The following ARMC9 variants were observed in gnomAD, a reference collection of about 807,000 sequenced individuals.
ARMC9 encodes armadillo repeat containing 9, also known as lisH domain-containing protein ARMC9.
A neutral mutation model predicts 107.0 loss-of-function variants in ARMC9; 94 were observed. That is an observed-to-expected ratio of 0.88 (90% CI 0.74 to 1.04). The LOEUF (loss-of-function observed/expected upper bound fraction) is 1.04. Among genes scored for constraint, ARMC9 ranks in the 50% least tolerant of loss-of-function variants. The pLI is 0.00. For synonymous variants in ARMC9, 380 were observed against 396.9 expected, an observed-to-expected ratio of 0.96 and a Z score of 0.51; for missense variants, 942 against 1,030.1, an observed-to-expected ratio of 0.91 and a Z score of 1.17.
At chr2:231,313,685 C>G (rs749562923) in intron 19 of ARMC9, among the ~76,000 whole-genome samples, 1 of 152,134 alleles carries the variant, frequency 6.6e-6, no homozygotes, top group Non-Finnish European at 1.5e-5. Flanking sequence ...CATCAATCTG[C>G]TTCTGTCTCT....
At chr2:231,275,957 A>C (rs75154814) in intron 14 of ARMC9, among the ~76,000 whole-genome samples, 1 of 151,206 alleles carries the variant, frequency 6.6e-6, no homozygotes. Context: ...CCGTCTCAGG[A>C]AAAAAAAACA....
At chr2:231,349,996 A>G (rs921039713) in intron 21 of ARMC9, among the ~76,000 whole-genome samples, 2 of 151,424 alleles carry the variant, frequency 1.3e-5, no homozygotes, top group Non-Finnish European at 2.9e-5. Context: ...TATACTATAC[A>G]TATATACACC....
At chr2:231,202,296 A>G (rs1574820738) in intron 1 of ARMC9, among the ~76,000 whole-genome samples, 1 of 147,918 alleles carries the variant, frequency 6.8e-6, no homozygotes, top group Non-Finnish European at 1.5e-5. Flanking sequence ...CACCGTGCCC[A>G]GCTGATCTTG....
intron 21 of ARMC9, among the ~76,000 whole-genome samples, chr2:231,349,443 G>A (rs912336003): frequency 1.3e-5 from 2 of 151,986 alleles, no homozygotes; most frequent in African/African-American, 4.8e-5. Flanking sequence ...TTGGTTGGGG[G>A]TGGTGGCTAG....
chr2:231,326,102 C>T (rs1037346580), intron 19 of ARMC9, among the ~76,000 whole-genome samples: 1 of 152,194 alleles, frequency 6.6e-6, no homozygotes, highest in Admixed American at 6.5e-5. Flanking sequence ...GCAGCAGGGA[C>T]CCAAGCTGTC....
intron 3 of ARMC9, among the ~76,000 whole-genome samples, chr2:231,210,586 G>A (rs1226772160): frequency 6.6e-6 from 1 of 152,228 alleles, no homozygotes; most frequent in South Asian, 2.1e-4. Flanking sequence ...CACATGACCA[G>A]ATGATGTGAT....
At chr2:231,367,125 C>G (rs1204393933) in intron 23 of ARMC9, among the ~76,000 whole-genome samples, 1 of 152,056 alleles carries the variant, frequency 6.6e-6, no homozygotes, top group Non-Finnish European at 1.5e-5. Context: ...GCTGGGATTA[C>G]AGGCGTGAGC....
Position 231,374,883 on chromosome 2 carries a change from A to C in ARMC9, c.*3348A>C, listed in dbSNP as rs548762686. 6.6e-6 allele frequency: 1 copy of C among 152,124 alleles called. No homozygotes were observed. Among genetic ancestry groups the C allele is most frequent in the Non-Finnish European group, 1.5e-5 (1 of 68,032 alleles). 9.4% of individuals were successfully genotyped at this position (152,124 alleles called of 1,614,324 possible). ...CCTTTAAATTTTGTATGCAAGGTGA[A>C]TACCTCACCCCTCTCTCCTGGCCTA... On this transcript the variant is annotated 3_prime_UTR_variant, in exon 25 of 25. Transcript: ENST00000611582.
Position 231,256,835 on chromosome 2 carries a change from G to A in ARMC9, c.914+215G>A, listed in dbSNP as rs572660513. The stretch of plus-strand genomic sequence containing the variant: ...GCCTGTGTGGTTTTTTTGTTTGTTT[G>A]TTTTTTTGAGACAGAGTTTCGCTCT... On this transcript the variant is annotated intron_variant, in intron 10 of 24. Transcript: ENST00000611582. 3.3e-5 allele frequency among the ~76,000 whole-genome samples: 5 copies of A among 152,218 alleles called. No individual in the cohort carries two copies. In the East Asian group the frequency reaches 9.6e-4, roughly 29 times the overall value.
intron 3 of ARMC9, among the ~76,000 whole-genome samples, chr2:231,210,178 A>G (rs2032624367): frequency 6.6e-6 from 1 of 152,190 alleles, no homozygotes; most frequent in African/African-American, 2.4e-5. Flanking sequence ...CGTGGAGCTC[A>G]AGGCAGGGCT....
In ARMC9 at chr2:231,331,777, A is replaced by C; in HGVS notation, c.1774-16A>C. ...TCAGGGTGTCCATGGCATTCACCCC[A>C]TGTCTCCTGAAACAGGAGGACCATG... On this transcript the variant is annotated splice_polypyrimidine_tract_variant and intron_variant, in intron 19 of 24. Transcript: ENST00000611582. 6.2e-7 allele frequency: 1 copy of C among 1,609,748 alleles called. No homozygotes were observed. Among genetic ancestry groups the C allele is most frequent in the Non-Finnish European group, 8.5e-7 (1 of 1,176,324 alleles).
At chr2:231,264,959 G>A (rs998897399) in intron 12 of ARMC9, among the ~76,000 whole-genome samples, 3 of 152,248 alleles carry the variant, frequency 2.0e-5, no homozygotes, top group African/African-American at 7.2e-5. Context: ...TTAGCCAGAC[G>A]TGGTGGCACG....
At chr2:231,329,907 T>A (rs1169156511) in intron 19 of ARMC9, among the ~76,000 whole-genome samples, 3 of 152,214 alleles carry the variant, frequency 2.0e-5, no homozygotes, top group Admixed American at 6.5e-5. Flanking sequence ...TAGTTTTTCT[T>A]CCTTTTCTCA....
Position 231,276,621 on chromosome 2 carries a change from G to T in ARMC9, c.1335-15G>T, listed in dbSNP as rs1469809289. 1 of 1,613,978 alleles carries T rather than the reference G, an allele frequency of 6.2e-7. No individual in the cohort carries two copies. The highest frequency in any genetic ancestry group is 1.1e-5 in the South Asian group (1 of 91,074). On this transcript the variant is annotated splice_polypyrimidine_tract_variant and intron_variant, in intron 14 of 24. Transcript: ENST00000611582. ...TCTTGGCAGTTTGTATTTACCGTAG[G>T]CTCTTTCTTCCCAGGCGCCCGCTGC...
In ARMC9 at chr2:231,318,681, G is replaced by A. The variant is rs117108336; in HGVS notation, c.1774-13112G>A. Among the ~76,000 whole-genome samples, 13 of 152,310 alleles carry A rather than the reference G, an allele frequency of 8.5e-5. 1 individual carries two copies. In the East Asian group the frequency reaches 2.5e-3, roughly 29 times the overall value. ...CAGTGCCCTAGCACTTCCCCACTGA[G>A]CAAGTACTGCTTAAGTTGTTGCCTG... On this transcript the variant is annotated intron_variant, in intron 19 of 24. Coordinates refer to ENST00000611582, the MANE Select transcript of ARMC9 (RefSeq NM_001352754.2).
chr2:231,278,967 C>T (rs1424058548), intron 16 of ARMC9, among the ~76,000 whole-genome samples: 1 of 152,206 alleles, frequency 6.6e-6, no homozygotes, highest in Non-Finnish European at 1.5e-5. Context: ...AAAATAGCCC[C>T]TTGTTTGTGC....
intron 20 of ARMC9, among the ~76,000 whole-genome samples, chr2:231,333,724 AC>A (rs2043896506): frequency 6.6e-6 from 1 of 152,142 alleles, no homozygotes; most frequent in African/African-American, 2.4e-5. Flanking sequence ...ACGTGTTGAT[AC>A]CTGTTGAGAC....
intron 10 of ARMC9, among the ~76,000 whole-genome samples, chr2:231,258,552 G>A (rs1232296719): frequency 6.6e-6 from 1 of 152,146 alleles, no homozygotes; most frequent in Non-Finnish European, 1.5e-5. Flanking sequence ...GCTCAGGCTT[G>A]AGAGGAACAG....
At chr2:231,204,358 A>G (rs576674191) in intron 1 of ARMC9, among the ~76,000 whole-genome samples, 5 of 151,972 alleles carry the variant, frequency 3.3e-5, no homozygotes, top group East Asian at 3.9e-4. Flanking sequence ...CTACATCCCA[A>G]TACCCCAAGA....
Sources: gnomAD v4.1 joint callset for allele counts (sites outside exome capture counted in the v4.1 genomes callset) on GRCh38, gnomAD v4.1.1 for gene constraint, MANE v1.5 for transcripts, NCBI Gene and HGNC (gene_info 2026-07-23, HGNC 2026-07-21) for gene names.